ZNF503: variants seen among roughly 807,000 people sequenced by gnomAD.
ZNF503 encodes NocA-like zinc finger 2.
ZNF503 carries 15 observed loss-of-function variants against 34.4 expected under a neutral mutation model. That is an observed-to-expected ratio of 0.44 (90% confidence interval 0.29 to 0.67). The LOEUF is 0.67. ZNF503 is among the 30% of genes least tolerant of loss of function. The probability of loss-of-function intolerance (pLI) is 0.13; values close to 1 mark genes in which losing one functional copy is unlikely to be tolerated. For synonymous variants in ZNF503, 580 were observed against 456.8 expected (o/e 1.27, Z -3.44); for missense variants, 1,007 against 926.8 (o/e 1.09, Z -1.12).
the ZNF503 span, among the ~76,000 whole-genome samples, chr10:75,346,495 A>G: frequency 6.7e-6 from 1 of 148,624 alleles, no homozygotes; most frequent in African/African-American, 2.5e-5. Flanking sequence ...CAGTGCTGCA[A>G]TCTTGGCTCA....
chr10:75,401,732 G>A lies in ZNF503; in HGVS notation c.-313C>T, dbSNP rs536270097. On this transcript the variant is annotated 5_prime_UTR_variant, in exon 1 of 2. Coordinates refer to ENST00000372524, the MANE Select transcript of ZNF503 (RefSeq NM_032772.6). ...GCCCCGCGCCGGCGCTGCGCTCTGCGATGCGAGCCGCTGCGTGTCCAGCCG... is the reference window on the plus strand; with the variant it reads ...GCCCCGCGCCGGCGCTGCGCTCTGCAATGCGAGCCGCTGCGTGTCCAGCCG... The A allele has an allele frequency of 1.0e-3, 377 of 378,448 alleles. 2 individuals carry two copies. The South Asian group carries it at 0.011, about 11-fold the overall frequency. 23.4% of individuals were successfully genotyped at this position (378,448 alleles called of 1,614,324 possible).
chr10:75,287,157 G>C, the ZNF503 span, among the ~76,000 whole-genome samples: 1 of 152,138 alleles, frequency 6.6e-6, no homozygotes, highest in African/African-American at 2.4e-5. Context: ...GTCAGCTTCT[G>C]ATCCTAGCAG....
rs1017456578 is a variant in ZNF503 at position 75,397,873 on chromosome 10, T to A, written c.*876A>T. On this transcript the variant is annotated 3_prime_UTR_variant, in exon 2 of 2. Coordinates refer to ENST00000372524, the MANE Select transcript of ZNF503 (RefSeq NM_032772.6). ...ATACATCAAATATACGGAATTTTAATCTTTAAAGCGATACATTGTCTATTA... is the reference window on the plus strand; with the variant it reads ...ATACATCAAATATACGGAATTTTAAACTTTAAAGCGATACATTGTCTATTA... The A allele has an allele frequency of 2.6e-5, 4 of 152,796 alleles. No homozygotes were observed. The highest frequency in any genetic ancestry group is 9.6e-5 in the African/African-American group (4 of 41,580). 9.5% of individuals were successfully genotyped at this position (152,796 alleles called of 1,614,324 possible).
At chr10:75,389,881 G>A in the ZNF503 span, among the ~76,000 whole-genome samples, 1 of 152,238 alleles carries the variant, frequency 6.6e-6, no homozygotes, top group East Asian at 1.9e-4. Context: ...TGGGTTGGAG[G>A]CTGTATTCAG....
chr10:75,319,981 G>A, the ZNF503 span, among the ~76,000 whole-genome samples: 1 of 152,026 alleles, frequency 6.6e-6, no homozygotes, highest in Non-Finnish European at 1.5e-5. Flanking sequence ...AGATTCAGAT[G>A]GTTTCACTGG....
the ZNF503 span, chr10:75,360,883 C>T: frequency 6.6e-6 from 1 of 152,152 alleles, no homozygotes; most frequent in Non-Finnish European, 1.5e-5. Context: ...TTTGACATAC[C>T]TTAGAGTGAG....
the ZNF503 span, among the ~76,000 whole-genome samples, chr10:75,328,746 C>CTTTTTTTT: frequency 4.6e-5 from 6 of 130,782 alleles, no homozygotes; most frequent in African/African-American, 1.2e-4. Context: ...AATGTCTTTT[C>CTTTTTTTT]TTTTTTTTTT....
rs374168185 is a variant in ZNF503, at chr10:75,401,342, GCCGCCT to G, written c.72_77del (p.Gly26_Gly27del). 23,614 of 1,538,550 alleles carry G rather than the reference GCCGCCT, an allele frequency of 0.015. 2,781 individuals carry two copies. The African/African-American group carries it at 0.28, about 18-fold the overall frequency. On this transcript the variant is annotated inframe_deletion, in exon 1 of 2. Transcript: ENST00000372524. ...CGCTGGTCCAGGCAGGGTCTGCACC[GCCGCCT>G]CCGCCTCCGCCGCCGCCGCCGCCGC...
In ZNF503 at chr10:75,401,348, T is replaced by TCCGCCTCCGCCG. The variant is rs1349758903; in HGVS notation, c.60_71dup (p.Gly24_Gly27dup). On this transcript the variant is annotated inframe_insertion, in exon 1 of 2. Transcript: ENST00000372524. ...TCCAGGCAGGGTCTGCACCGCCGCC[T>TCCGCCTCCGCCG]CCGCCTCCGCCGCCGCCGCCGCCGC... The TCCGCCTCCGCCG allele has an allele frequency of 5.4e-6, 8 of 1,491,002 alleles. No homozygotes were observed. The highest frequency in any genetic ancestry group is 6.1e-6 in the Non-Finnish European group (7 of 1,138,260). The allele number at this position is 1,491,002 out of a possible 1,614,324, so 92.4% of individuals were successfully genotyped here. A position where few individuals can be genotyped will look rare whatever the true frequency, so the allele number is the denominator to read the frequency against.
chr10:75,332,611 A>G, the ZNF503 span, among the ~76,000 whole-genome samples: 27 of 145,706 alleles, frequency 1.9e-4, 1 homozygote, highest in South Asian at 6.1e-3. Context: ...TCCTAGGCAG[A>G]GGACCCTGCG....
At chr10:75,306,185 C>A in the ZNF503 span, among the ~76,000 whole-genome samples, 1 of 152,156 alleles carries the variant, frequency 6.6e-6, no homozygotes. Flanking sequence ...TTCTCCACAT[C>A]CTTGCCAACA....
chr10:75,398,758 C>A lies in ZNF503; in HGVS notation c.1932G>T (p.Gly644=). Residue 644 remains glycine (G), a synonymous_variant, in exon 2 of 2, where the codon GGG becomes GGT. Transcript: ENST00000372524. ...GQRLTTASAL[G]YQ is the part of the protein sequence containing the mutation. ...GCCCTCCCGGCCGCCCTCACTGATA[C>A]CCCAGCGCCGAGGCGGTGGTCAGTC... 1 of 1,408,306 alleles carries A rather than the reference C, an allele frequency of 7.1e-7. No homozygotes were observed. Among genetic ancestry groups the A allele is most frequent in the Non-Finnish European group, 9.2e-7 (1 of 1,085,536 alleles). The allele number at this position is 1,408,306 out of a possible 1,614,324, so 87.2% of individuals were successfully genotyped here. A position where few individuals can be genotyped will look rare whatever the true frequency, so the allele number is the denominator to read the frequency against.
the ZNF503 span, among the ~76,000 whole-genome samples, chr10:75,379,510 G>A: frequency 1.3e-5 from 2 of 152,362 alleles, no homozygotes; most frequent in South Asian, 4.1e-4. Flanking sequence ...CTGGGGAAAT[G>A]TCCCACATTC....
the ZNF503 span, among the ~76,000 whole-genome samples, chr10:75,345,634 C>CAAAAAAAAAAA: frequency 1.4e-5 from 1 of 72,144 alleles, no homozygotes; most frequent in Admixed American, 1.6e-4. Context: ...GACTCTGTCT[C>CAAAAAAAAAAA]AAAAAAAAAA....
the ZNF503 span, among the ~76,000 whole-genome samples, chr10:75,294,473 A>G: frequency 1.3e-5 from 2 of 152,138 alleles, no homozygotes; most frequent in Non-Finnish European, 2.9e-5. Flanking sequence ...AAATGATTGT[A>G]TTATTATTAT....
At chr10:75,376,882 A>G in the ZNF503 span, among the ~76,000 whole-genome samples, 2 of 152,178 alleles carry the variant, frequency 1.3e-5, no homozygotes, top group Non-Finnish European at 2.9e-5. Flanking sequence ...CGAGAACAGC[A>G]TGGGGGAACC....
chr10:75,382,503 C>G, the ZNF503 span: 1 of 726,132 alleles, frequency 1.4e-6, no homozygotes, highest in Admixed American at 2.5e-5. Flanking sequence ...GCAGCAACCT[C>G]TTCTTTTTCC....
At chr10:75,361,061 T>A in the ZNF503 span, 1 of 152,230 alleles carries the variant, frequency 6.6e-6, no homozygotes. Context: ...TTGAATACAA[T>A]GTTTTACTCC....
chr10:75,352,584 G>A, the ZNF503 span, among the ~76,000 whole-genome samples: 2 of 152,164 alleles, frequency 1.3e-5, no homozygotes, highest in Admixed American at 6.5e-5. Context: ...GTATGAATGC[G>A]TGCTGGTCTT....
Sources: gnomAD v4.1 joint callset for allele counts (sites outside exome capture counted in the v4.1 genomes callset) on GRCh38, gnomAD v4.1.1 for gene constraint, MANE v1.5 for transcripts, NCBI Gene and HGNC (gene_info 2026-07-23, HGNC 2026-07-21) for gene names.